The following CSMD1 variants were observed in gnomAD, a reference collection of about 807,000 sequenced individuals.
CSMD1 encodes the protein CUB and Sushi multiple domains 1, also known as CUB and sushi domain-containing protein 1.
A neutral mutation model predicts 417.5 loss-of-function variants in CSMD1; 213 were observed. The ratio of observed to expected loss-of-function variants is 0.51; its 90% CI spans 0.46 to 0.57. The LOEUF (loss-of-function observed/expected upper bound fraction) is 0.57. Among genes scored for constraint, CSMD1 ranks in the 20% least tolerant of loss-of-function variants. The probability of loss-of-function intolerance (pLI) is 0.00; values close to 1 mark genes in which losing one functional copy is unlikely to be tolerated. For missense variants in CSMD1, 6,923 were observed against 4,529.7 expected (o/e 1.53, Z -15.17); for synonymous variants, 2,862 against 1,736.8 (o/e 1.65, Z -16.11).
At chr8:3,065,308 T>C (rs947204275) in intron 49 of CSMD1, among the ~76,000 whole-genome samples, 1 of 145,348 alleles carries the variant, frequency 6.9e-6, no homozygotes, top group Non-Finnish European at 1.5e-5. Context: ...GATAGGTAGA[T>C]AGATAGATAG....
At chr8:4,694,798 C>T (rs995820586) in intron 1 of CSMD1, among the ~76,000 whole-genome samples, 8 of 152,112 alleles carry the variant, frequency 5.3e-5, no homozygotes, top group African/African-American at 1.7e-4. Context: ...CGTCCTTAAC[C>T]TTGGCAAAAT....
chr8:4,107,995 A>C (rs12542391), intron 3 of CSMD1, among the ~76,000 whole-genome samples: 2 of 151,764 alleles, frequency 1.3e-5, no homozygotes, highest in East Asian at 1.9e-4. Context: ...GAGAAGTAGA[A>C]AGTAAGGGAA....
At chr8:3,210,386 G>A (rs150045863) in intron 30 of CSMD1, among the ~76,000 whole-genome samples, 472 of 39,034 alleles carry the variant, frequency 0.012, 4 homozygotes, top group African/African-American at 0.06. Context: ...AACTGAAACA[G>A]TCTCTAATTA....
At chr8:3,251,831 G>A (rs1585800868) in intron 26 of CSMD1, among the ~76,000 whole-genome samples, 2 of 152,164 alleles carry the variant, frequency 1.3e-5, no homozygotes, top group South Asian at 4.1e-4. Context: ...AAGCAGTTGT[G>A]AATGGCAGTT....
intron 3 of CSMD1, among the ~76,000 whole-genome samples, chr8:4,170,990 G>C (rs188143139): frequency 1.1e-4 from 17 of 151,986 alleles, no homozygotes; most frequent in African/African-American, 3.4e-4. Context: ...GAGACTGTAA[G>C]TTCACACCTT....
chr8:3,878,602 A>G (rs2129118709), intron 5 of CSMD1, among the ~76,000 whole-genome samples: 1 of 152,344 alleles, frequency 6.6e-6, no homozygotes, highest in South Asian at 2.1e-4. Context: ...TTTACCGATA[A>G]ATCTGTAAGA....
At chr8:4,177,589 C>G (rs1309920643) in intron 3 of CSMD1, among the ~76,000 whole-genome samples, 6 of 151,240 alleles carry the variant, frequency 4.0e-5, no homozygotes, top group Admixed American at 1.3e-4. Context: ...CAGAGCAGAA[C>G]TGAAGGAAAT....
intron 21 of CSMD1, among the ~76,000 whole-genome samples, chr8:3,355,629 T>C (rs112684280): frequency 4.6e-5 from 7 of 152,140 alleles, no homozygotes; most frequent in African/African-American, 1.7e-4. Flanking sequence ...CTGTATGTGA[T>C]GATATGAGAT....
intron 26 of CSMD1, among the ~76,000 whole-genome samples, chr8:3,280,339 A>G (rs1409787124): frequency 2.0e-5 from 3 of 152,226 alleles, no homozygotes; most frequent in Admixed American, 2.0e-4. Flanking sequence ...TAACAGAGAC[A>G]AAAGGTCAGT....
intron 5 of CSMD1, among the ~76,000 whole-genome samples, chr8:3,943,807 T>C (rs1360449076): frequency 2.0e-5 from 3 of 152,072 alleles, no homozygotes; most frequent in Non-Finnish European, 4.4e-5. Flanking sequence ...TAATTGGCCC[T>C]TACTCTCCAA....
rs377764710 is a variant in CSMD1 at position 4,717,310 on chromosome 8, C to CATATATATATATAT, written c.86-79766_86-79753dup. Among the ~76,000 whole-genome samples, 789 of 137,108 alleles carry CATATATATATATAT rather than the reference C, an allele frequency of 5.8e-3. 22 individuals are homozygous for CATATATATATATAT. Among genetic ancestry groups the CATATATATATATAT allele is most frequent in the African/African-American group, 0.019 (644 of 33,368 alleles). The allele number at this position is 137,108 out of a possible 152,430, so 89.9% of individuals were successfully genotyped here. Reference sequence around the variant, plus strand: ...CCCTGCCCTTCTCTCTCTCTCTCTCCATATATATATATATATACACACACA... The same window carrying CATATATATATATAT: ...CCCTGCCCTTCTCTCTCTCTCTCTCCATATATATATATATATATATATATATATATACACACACA... On this transcript the variant is annotated intron_variant, in intron 1 of 69. Coordinates refer to ENST00000635120, the MANE Select transcript of CSMD1 (RefSeq NM_033225.6).
In CSMD1 at chr8:3,460,205, T is replaced by C. The variant is rs547021415; in HGVS notation, c.1561+8507A>G. ...TTATTGGGGAAAGTAAACTCTGAGA[T>C]GAGACGGGAAGATCAGCAAATGATC... On this transcript the variant is annotated intron_variant, in intron 12 of 69. Coordinates refer to ENST00000635120, the MANE Select transcript of CSMD1 (RefSeq NM_033225.6). Among the ~76,000 whole-genome samples, 7 of 152,134 alleles carry C rather than the reference T, an allele frequency of 4.6e-5. 1 individual carries two copies. In the South Asian group the frequency reaches 1.5e-3, roughly 32 times the overall value.
chr8:4,179,179 A>G (rs1366780280), intron 3 of CSMD1, among the ~76,000 whole-genome samples: 1 of 152,162 alleles, frequency 6.6e-6, no homozygotes, highest in African/African-American at 2.4e-5. Context: ...TTCAAACTAT[A>G]CTACAAGGCT....
intron 2 of CSMD1, among the ~76,000 whole-genome samples, chr8:4,471,916 A>T (rs371825048): frequency 2.2e-4 from 34 of 152,288 alleles, no homozygotes; most frequent in African/African-American, 8.2e-4. Flanking sequence ...TCCAATGATT[A>T]GGAAATAACA....
intron 10 of CSMD1, among the ~76,000 whole-genome samples, chr8:3,565,276 C>G (rs1277944213): frequency 2.0e-5 from 3 of 150,820 alleles, no homozygotes; most frequent in Non-Finnish European, 4.4e-5. Flanking sequence ...TCTGTCAAAG[C>G]AAGTTGGCCA....
At chr8:4,559,133 G>A (rs1293799121) in intron 2 of CSMD1, among the ~76,000 whole-genome samples, 2 of 152,092 alleles carry the variant, frequency 1.3e-5, no homozygotes, top group Admixed American at 1.3e-4. Flanking sequence ...ACGCAAATAG[G>A]CCCTTGCTTG....
intron 7 of CSMD1, among the ~76,000 whole-genome samples, chr8:3,697,559 A>C (rs1304101858): frequency 6.6e-6 from 1 of 152,126 alleles, no homozygotes; most frequent in Non-Finnish European, 1.5e-5. Flanking sequence ...ACTAACAAAG[A>C]CTTGCTCATG....
intron 3 of CSMD1, among the ~76,000 whole-genome samples, chr8:4,119,345 G>C (rs1389788625): frequency 6.6e-6 from 1 of 152,120 alleles, no homozygotes; most frequent in Non-Finnish European, 1.5e-5. Flanking sequence ...ATCCACAGCA[G>C]GGAATGCTAA....
At chr8:4,188,847 C>T (rs999584622) in intron 3 of CSMD1, among the ~76,000 whole-genome samples, 6 of 148,160 alleles carry the variant, frequency 4.0e-5, no homozygotes, top group African/African-American at 2.5e-5. Flanking sequence ...AAAAAAAAAA[C>T]GAAATGTTTC....
Sources: gnomAD v4.1 joint callset for allele counts (sites outside exome capture counted in the v4.1 genomes callset) on GRCh38, gnomAD v4.1.1 for gene constraint, MANE v1.5 for transcripts, NCBI Gene and HGNC (gene_info 2026-07-23, HGNC 2026-07-21) for gene names.